TOB2: variants seen among roughly 807,000 people sequenced by gnomAD.
TOB2 encodes the protein protein Tob2.
In TOB2, 3 loss-of-function variants were observed where a neutral mutation model predicts 17.3. That is an observed-to-expected ratio of 0.17 (90% CI 0.08 to 0.45). The LOEUF is 0.45. Among genes scored for constraint, TOB2 ranks in the 20% least tolerant of loss-of-function variants. The probability of loss-of-function intolerance (pLI) is 0.99; values close to 1 mark genes in which losing one functional copy is unlikely to be tolerated. For synonymous variants in TOB2, 163 were observed against 185.6 expected, an observed-to-expected ratio of 0.88 and a Z score of 0.99; for missense variants, 407 against 445.7, an observed-to-expected ratio of 0.91 and a Z score of 0.78.
intron 1 of TOB2, among the ~76,000 whole-genome samples, chr22:41,440,463 G>C (rs1482826286): frequency 6.6e-6 from 1 of 151,542 alleles, no homozygotes; most frequent in African/African-American, 2.4e-5. Context: ...ACCCAAGCTA[G>C]GGTGCAGGAT....
Position 41,436,218 on chromosome 22 carries a change from T to G in TOB2, c.*93A>C. 7.0e-7 allele frequency: 1 copy of G among 1,435,610 alleles called. No individual in the cohort carries two copies. The highest frequency in any genetic ancestry group is 9.2e-7 in the Non-Finnish European group (1 of 1,091,930). 88.9% of individuals were successfully genotyped at this position (1,435,610 alleles called of 1,614,324 possible). ...AGTAAGAGTGAGAAGATCGAAAATC[T>G]TTTTGTACATTTTTCTTTTCCTCTT... On this transcript the variant is annotated 3_prime_UTR_variant, in exon 2 of 2. Transcript: ENST00000327492. The surrounding 1 kb of genome is among the most constrained non-coding windows in gnomAD (Gnocchi z 4.8).
At position 41,436,282 on chromosome 22, in the gene TOB2, T is replaced by C. The variant is rs1448844875; in HGVS notation, c.*29A>G. The C allele has an allele frequency of 6.6e-7, 1 of 1,517,616 alleles. No individual in the cohort carries two copies. The highest frequency in any genetic ancestry group is 1.4e-5 in the African/African-American group (1 of 71,778). 94.0% of individuals were successfully genotyped at this position (1,517,616 alleles called of 1,614,324 possible). On this transcript the variant is annotated 3_prime_UTR_variant, in exon 2 of 2. Transcript: ENST00000327492. The surrounding 1 kb of genome is among the most constrained non-coding windows in gnomAD (Gnocchi z 4.8). ...CCTTTCTCTTTTCTGTGGTCTTGGG[T>C]GCTCCTGGCCCCACGGGCAGGTAGA...
chr22:41,445,959 G>A (rs1328124191), intron 1 of TOB2, among the ~76,000 whole-genome samples: 1 of 152,160 alleles, frequency 6.6e-6, no homozygotes, highest in Non-Finnish European at 1.5e-5. Flanking sequence ...CCTGCACACG[G>A]GAAAAGAAGC....
At chr22:41,444,632 T>A (rs1300227345) in intron 1 of TOB2, among the ~76,000 whole-genome samples, 1 of 152,246 alleles carries the variant, frequency 6.6e-6, no homozygotes, top group African/African-American at 2.4e-5. Flanking sequence ...AGGAAAAGTT[T>A]CCGATGCACA....
At chr22:41,442,407 T>C (rs181495064) in intron 1 of TOB2, among the ~76,000 whole-genome samples, 1 of 152,268 alleles carries the variant, frequency 6.6e-6, no homozygotes, top group African/African-American at 2.4e-5. Flanking sequence ...GCCAAAGTCA[T>C]TGGGAAATAA....
rs1045128085 is a variant in TOB2, at chr22:41,433,715, A to G, written c.*2596T>C. On this transcript the variant is annotated 3_prime_UTR_variant, in exon 2 of 2. Coordinates refer to ENST00000327492, the MANE Select transcript of TOB2 (RefSeq NM_016272.4). ...GACCCTGCTCCCCGGGCTCCTCTCC[A>G]GGCTTGCCTCAATGCCCCCTTCCCA... The G allele has an allele frequency of 2.1e-4, 101 of 483,896 alleles. No individual in the cohort carries two copies. The highest frequency in any genetic ancestry group is 5.5e-5 in the Non-Finnish European group (13 of 236,520). 30.0% of individuals were successfully genotyped at this position (483,896 alleles called of 1,614,324 possible).
At chr22:41,438,048 T>C (rs561046265) in intron 1 of TOB2, among the ~76,000 whole-genome samples, 1 of 151,148 alleles carries the variant, frequency 6.6e-6, no homozygotes, top group Non-Finnish European at 1.5e-5. Flanking sequence ...TTCAGGTCAC[T>C]GTATGAATGA....
At chr22:41,441,033 A>G (rs1300002716) in intron 1 of TOB2, among the ~76,000 whole-genome samples, 1 of 152,162 alleles carries the variant, frequency 6.6e-6, no homozygotes, top group Non-Finnish European at 1.5e-5. Flanking sequence ...TAAGGATAGT[A>G]GAGGCCGGGC....
At chr22:41,437,505 A>C in intron 1 of TOB2, 98 bp from the exon 2 acceptor site, 1 of 1,391,236 alleles carries the variant, frequency 7.2e-7, no homozygotes, top group Non-Finnish European at 9.4e-7. Context: ...ATCACACAGA[A>C]CCAGGAGCCT....
chr22:41,440,550 G>A (rs1438605745), intron 1 of TOB2, among the ~76,000 whole-genome samples: 1 of 150,798 alleles, frequency 6.6e-6, no homozygotes, highest in Non-Finnish European at 1.5e-5. Context: ...TGGGACTACA[G>A]GCATGTACCA....
rs371510039 is a variant in TOB2 at position 41,436,525 on chromosome 22, G to A, written c.821C>T (p.Ala274Val). 1.6e-5 allele frequency: 26 copies of A among 1,610,808 alleles called. No homozygotes were observed. Among genetic ancestry groups the A allele is most frequent in the Middle Eastern group, 1.6e-4 (1 of 6,084 alleles). Reference protein sequence around the residue: ...GGGSPSLFFDAADGQGSGTPG... With the variant: ...GGGSPSLFFDVADGQGSGTPG... The stretch of plus-strand genomic sequence containing the variant: ...GGTGCCGCTGCCCTGGCCATCGGCC[G>A]CATCAAAGAAGAGGCTGGGTGAGCC... Residue 274 changes from alanine (A) to valine (V), a missense_variant, in exon 2 of 2, where the codon GCG becomes GTG. Coordinates refer to ENST00000327492, the MANE Select transcript of TOB2 (RefSeq NM_016272.4). The surrounding 1 kb of genome is among the most constrained non-coding windows in gnomAD (Gnocchi z 4.8).
chr22:41,445,795 T>C (rs2037678077), intron 1 of TOB2, among the ~76,000 whole-genome samples: 1 of 151,908 alleles, frequency 6.6e-6, no homozygotes, highest in Admixed American at 6.6e-5. Flanking sequence ...CACTTAAGAG[T>C]ATAAAGAGCT....
In TOB2 at chr22:41,435,314, C is replaced by T. The variant is rs2037533417; in HGVS notation, c.*997G>A. ...TCTGGGAGTGTCTTGGGCTAAGCCACAGCGGTGTCACCCCACCACACACAC... is the reference window on the plus strand; with the variant it reads ...TCTGGGAGTGTCTTGGGCTAAGCCATAGCGGTGTCACCCCACCACACACAC... On this transcript the variant is annotated 3_prime_UTR_variant, in exon 2 of 2. Coordinates refer to ENST00000327492, the MANE Select transcript of TOB2 (RefSeq NM_016272.4). The T allele has an allele frequency of 6.6e-6, 1 of 152,278 alleles. No homozygotes were observed. Among genetic ancestry groups the T allele is most frequent in the African/African-American group, 2.4e-5 (1 of 41,456 alleles). The allele number at this position is 152,278 out of a possible 1,614,324, so 9.4% of individuals were successfully genotyped here.
At chr22:41,439,414 A>G (rs1215082040) in intron 1 of TOB2, among the ~76,000 whole-genome samples, 2 of 152,120 alleles carry the variant, frequency 1.3e-5, no homozygotes, top group African/African-American at 4.8e-5. Flanking sequence ...CTGCCCCAAC[A>G]CATTTCCCTG....
At position 41,438,774 on chromosome 22, in the gene TOB2, G is replaced by A. The variant is rs148597404; in HGVS notation, c.-62-1367C>T. ...GACTCGGGGCTGCCACAGGGAAGCAGAGAAAAGGAGGGGGAATCTCTGTAG... is the reference window on the plus strand; with the variant it reads ...GACTCGGGGCTGCCACAGGGAAGCAAAGAAAAGGAGGGGGAATCTCTGTAG... On this transcript the variant is annotated intron_variant, in intron 1 of 1. Coordinates refer to ENST00000327492, the MANE Select transcript of TOB2 (RefSeq NM_016272.4). Among the ~76,000 whole-genome samples, 102 of 151,796 alleles carry A rather than the reference G, an allele frequency of 6.7e-4. 1 individual carries two copies. The East Asian group carries it at 0.012, about 19-fold the overall frequency.
chr22:41,439,798 G>A (rs2037593767), intron 1 of TOB2, among the ~76,000 whole-genome samples: 1 of 152,164 alleles, frequency 6.6e-6, no homozygotes, highest in Non-Finnish European at 1.5e-5. Flanking sequence ...TTACAGGCAT[G>A]AGCCAACACA....
chr22:41,444,493 C>A (rs1410753677), intron 1 of TOB2, among the ~76,000 whole-genome samples: 4 of 152,254 alleles, frequency 2.6e-5, no homozygotes, highest in Admixed American at 1.3e-4. Flanking sequence ...TCAAACACCT[C>A]CGGACCAGGC....
At position 41,436,765 on chromosome 22, in the gene TOB2, C is replaced by T. The variant is rs540505116; in HGVS notation, c.581G>A (p.Gly194Glu). The T allele has an allele frequency of 2.5e-6, 4 of 1,613,972 alleles. No individual in the cohort carries two copies. The highest frequency in any genetic ancestry group is 2.5e-6 in the Non-Finnish European group (3 of 1,179,928). The change falls in exon 2 of 2, where the codon GGG (glycine) becomes GAG (glutamate). Residue 194 changes from glycine (G) to glutamate (E), a missense_variant. Physicochemically the swap from Gly to Glu is moderately conservative, Grantham distance 98. Coordinates refer to ENST00000327492, the MANE Select transcript of TOB2 (RefSeq NM_016272.4). The surrounding 1 kb of genome is among the most constrained non-coding windows in gnomAD (Gnocchi z 4.8). The stretch of plus-strand genomic sequence containing the variant: ...ACCCCCACCACTTGCTGCCCCGCCC[C>T]CCTTCTTCATCTTAGTGGAGCCAAA... Reference protein sequence around the residue: ...TKFGSTKMKKGGGAASGGGVA... With the variant: ...TKFGSTKMKKEGGAASGGGVA...
intron 1 of TOB2, among the ~76,000 whole-genome samples, chr22:41,438,627 T>A (rs1601848699): frequency 3.3e-4 from 2 of 6,106 alleles, no homozygotes; most frequent in Non-Finnish European, 7.4e-4. Context: ...CGAAACTCTG[T>A]CTCAAAAAAA....
Sources: allele counts gnomAD v4.1 joint callset (sites outside exome capture counted in the v4.1 genomes callset), GRCh38; gene constraint gnomAD v4.1.1; non-coding constraint Gnocchi (gnomAD v3.1); transcripts MANE v1.5; gene names NCBI Gene and HGNC (gene_info 2026-07-23, HGNC 2026-07-21).